The following UNC13C variants were observed in gnomAD, a reference collection of about 807,000 sequenced individuals.
The protein encoded by UNC13C is unc-13 homolog C.
In UNC13C, 174 loss-of-function variants were observed where a neutral mutation model predicts 245.4. The ratio of observed to expected loss-of-function variants is 0.71; its 90% CI spans 0.63 to 0.80. The LOEUF is 0.80. UNC13C is among the 30% of genes least tolerant of loss of function. UNC13C has a pLI of 0.00. For synonymous variants in UNC13C, 992 were observed against 895.1 expected, an observed-to-expected ratio of 1.11 and a Z score of -1.93; for missense variants, 2,829 against 2,602.9, an observed-to-expected ratio of 1.09 and a Z score of -1.89.
chr15:54,070,904 C>T (rs1898292522), intron 2 of UNC13C, among the ~76,000 whole-genome samples: 1 of 152,102 alleles, frequency 6.6e-6, no homozygotes, highest in African/African-American at 2.4e-5. Context: ...TTTAATAGAC[C>T]ACACTATCAT....
intron 19 of UNC13C, among the ~76,000 whole-genome samples, chr15:54,482,348 C>A (rs1468239791): frequency 6.6e-6 from 1 of 152,040 alleles, no homozygotes; most frequent in Non-Finnish European, 1.5e-5. Flanking sequence ...GTTACAGGAC[C>A]CAGCGTGAAC....
intron 19 of UNC13C, among the ~76,000 whole-genome samples, chr15:54,418,373 C>G (rs148000616): frequency 6.6e-6 from 1 of 152,018 alleles, no homozygotes; most frequent in African/African-American, 2.4e-5. Flanking sequence ...TCCCCTATGT[C>G]GTTTTAGTGG....
At chr15:54,193,561 C>T (rs2034257350) in intron 4 of UNC13C, among the ~76,000 whole-genome samples, 1 of 152,076 alleles carries the variant, frequency 6.6e-6, no homozygotes, top group Non-Finnish European at 1.5e-5. Flanking sequence ...CCCTCTGGTC[C>T]CACCTACCAA....
chr15:53,855,519 T>C, the UNC13C span, among the ~76,000 whole-genome samples: 2 of 152,224 alleles, frequency 1.3e-5, no homozygotes, highest in Non-Finnish European at 2.9e-5. Flanking sequence ...TGTTGAGTTT[T>C]ATCAAAGCCC....
chr15:54,403,268 G>T (rs545611299), intron 18 of UNC13C, among the ~76,000 whole-genome samples: 2 of 152,100 alleles, frequency 1.3e-5, no homozygotes, highest in Non-Finnish European at 2.9e-5. Flanking sequence ...TTAACTTAGA[G>T]CTGGGCTCAT....
chr15:54,049,087 C>G (rs147567928), intron 2 of UNC13C: 9 of 371,724 alleles, frequency 2.4e-5, no homozygotes, highest in Middle Eastern at 8.1e-4. Context: ...ACTTTTCTAT[C>G]ATTGGTAAGT....
At chr15:53,931,305 A>G in the UNC13C span, among the ~76,000 whole-genome samples, 2 of 152,142 alleles carry the variant, frequency 1.3e-5, no homozygotes, top group South Asian at 4.1e-4. Flanking sequence ...AGTAGCTGGG[A>G]TCACAGGGGC....
the UNC13C span, among the ~76,000 whole-genome samples, chr15:53,891,894 C>G: frequency 0.074 from 11,241 of 152,252 alleles, 507 homozygotes; most frequent in South Asian, 0.19. Flanking sequence ...TGAATTTGAT[C>G]CTGTCATTAT....
chr15:53,855,292 C>T, the UNC13C span, among the ~76,000 whole-genome samples: 1 of 152,120 alleles, frequency 6.6e-6, no homozygotes, highest in African/African-American at 2.4e-5. Context: ...TTATTTCTTT[C>T]TCTTGCCTGA....
intron 27 of UNC13C, 31 bp from the exon 28 acceptor site, chr15:54,549,604 G>A (rs1056505810): frequency 1.3e-6 from 2 of 1,534,428 alleles, no homozygotes; most frequent in Non-Finnish European, 1.8e-6. Flanking sequence ...TCTTAAGACT[G>A]AGTCTTCTCT....
At chr15:54,197,435 C>A (rs927858438) in intron 4 of UNC13C, among the ~76,000 whole-genome samples, 2 of 151,448 alleles carry the variant, frequency 1.3e-5, no homozygotes, top group African/African-American at 2.4e-5. Context: ...TGCACTACAG[C>A]CTGGGTGACA....
intron 25 of UNC13C, 25 bp downstream of exon 25, chr15:54,525,662 C>G: frequency 6.3e-7 from 1 of 1,578,730 alleles, no homozygotes; most frequent in Non-Finnish European, 8.7e-7. Flanking sequence ...TTGTCATTAT[C>G]TAAATTAGAT....
chr15:54,540,666 A>G (rs926035238), intron 26 of UNC13C, among the ~76,000 whole-genome samples: 2 of 152,138 alleles, frequency 1.3e-5, no homozygotes, highest in African/African-American at 4.8e-5. Context: ...TAAATAAAAC[A>G]TCTTCCTTCT....
intron 7 of UNC13C, among the ~76,000 whole-genome samples, chr15:54,240,150 GA>G (rs2140841143): frequency 7.6e-6 from 1 of 130,884 alleles, no homozygotes; most frequent in Non-Finnish European, 1.6e-5. Context: ...TTTAGTTTCA[GA>G]AGGCTTCAGT....
intron 2 of UNC13C, among the ~76,000 whole-genome samples, chr15:54,141,620 T>C (rs558728665): frequency 6.6e-6 from 1 of 152,130 alleles, no homozygotes; most frequent in Non-Finnish European, 1.5e-5. Flanking sequence ...GGCCAATTGA[T>C]ATGTCATATT....
chr15:54,443,370 G>A (rs189213371), intron 19 of UNC13C, among the ~76,000 whole-genome samples: 15 of 151,920 alleles, frequency 9.9e-5, no homozygotes, highest in African/African-American at 2.2e-4. Context: ...TTGTTTCATT[G>A]ATCCTTTGTA....
chr15:54,117,119 G>T (rs982687426), intron 2 of UNC13C, among the ~76,000 whole-genome samples: 1 of 151,628 alleles, frequency 6.6e-6, no homozygotes, highest in Non-Finnish European at 1.5e-5. Context: ...ATTAGTTTTT[G>T]TTGTTGTTGT....
At chr15:53,989,561 T>C (rs1466021249) in intron 1 of UNC13C, among the ~76,000 whole-genome samples, 2 of 152,046 alleles carry the variant, frequency 1.3e-5, no homozygotes, top group Admixed American at 1.3e-4. Flanking sequence ...GTTTTGTTTA[T>C]TATGCCACGT....
chr15:53,951,140 A>G, the UNC13C span, among the ~76,000 whole-genome samples: 1 of 152,212 alleles, frequency 6.6e-6, no homozygotes, highest in Non-Finnish European at 1.5e-5. Context: ...GATGATTTAT[A>G]TATGTCTGCA....
Sources: gnomAD v4.1 joint callset for allele counts (sites outside exome capture counted in the v4.1 genomes callset) on GRCh38, gnomAD v4.1.1 for gene constraint, MANE v1.5 for transcripts, NCBI Gene and HGNC (gene_info 2026-07-23, HGNC 2026-07-21) for gene names.